The following MAPRE2 variants were observed in gnomAD, a reference collection of about 807,000 sequenced individuals.
The protein encoded by MAPRE2 is microtubule associated protein RP/EB family member 2, also known as microtubule-associated protein RP/EB family member 2.
Under a neutral mutation model 43.2 loss-of-function variants are expected in MAPRE2, and 13 were observed. The observed-to-expected ratio is 0.30, with a 90% CI of 0.20 to 0.48. The LOEUF (loss-of-function observed/expected upper bound fraction) is 0.48, where lower values mean the gene tolerates loss of function less well. Ranked by LOEUF, MAPRE2 falls within the 20% of genes least tolerant of loss-of-function variation. The probability of loss-of-function intolerance (pLI) is 0.99; values close to 1 mark genes in which losing one functional copy is unlikely to be tolerated. For missense variants in MAPRE2, 161 were observed against 400.2 expected, an observed-to-expected ratio of 0.40 and a Z score of 5.10; for synonymous variants, 135 against 148.8, an observed-to-expected ratio of 0.91 and a Z score of 0.68.
intron 5 of MAPRE2, among the ~76,000 whole-genome samples, chr18:35,131,034 C>T (rs937602961): frequency 6.6e-6 from 1 of 152,154 alleles, no homozygotes; most frequent in Non-Finnish European, 1.5e-5. Flanking sequence ...CCTTCCTTGC[C>T]CTCCTGCCTT....
intron 2 of MAPRE2, among the ~76,000 whole-genome samples, chr18:35,006,457 T>C (rs780590220): frequency 6.6e-6 from 1 of 152,230 alleles, no homozygotes. Context: ...ATGGTGACTA[T>C]TAAAAGCTCA....
chr18:35,115,340 C>G (rs1056235161), intron 4 of MAPRE2, among the ~76,000 whole-genome samples: 2 of 152,176 alleles, frequency 1.3e-5, no homozygotes, highest in African/African-American at 4.8e-5. Flanking sequence ...TGCTAGTACA[C>G]TACACAGTAG....
At chr18:34,998,636 T>A (rs1328454783) in intron 1 of MAPRE2, among the ~76,000 whole-genome samples, 1 of 151,828 alleles carries the variant, frequency 6.6e-6, no homozygotes, top group Non-Finnish European at 1.5e-5. Flanking sequence ...CTAATTTTTT[T>A]ATTTTTAGTA....
intron 5 of MAPRE2, 111 bp from the exon 6 acceptor site, chr18:35,131,921 A>C: frequency 9.1e-7 from 1 of 1,104,386 alleles, no homozygotes; most frequent in Non-Finnish European, 1.3e-6. Context: ...CACATTGGTT[A>C]TTTCTGCTTC....
At chr18:35,087,507 T>G (rs1188639090) in intron 2 of MAPRE2, among the ~76,000 whole-genome samples, 1 of 152,228 alleles carries the variant, frequency 6.6e-6, no homozygotes, top group Non-Finnish European at 1.5e-5. Flanking sequence ...TAAAAAATTT[T>G]ATTTATACCT....
chr18:35,026,445 G>A (rs1342619316), intron 2 of MAPRE2, among the ~76,000 whole-genome samples: 1 of 152,076 alleles, frequency 6.6e-6, no homozygotes, highest in Non-Finnish European at 1.5e-5. Flanking sequence ...CGATGAATAT[G>A]GACACCACAC....
In MAPRE2 at chr18:35,000,829, A is replaced by C. The variant is rs1368737122; in HGVS notation, c.-69-4663A>C. On this transcript the variant is annotated intron_variant, in intron 1 of 7. Transcript: ENST00000413393. Reference sequence around the variant, plus strand: ...TTCCAAACGCGAAGGGGGATTTTGCAAGTTCCTCTGTGTGTGTTGGCGATT... The same window carrying C: ...TTCCAAACGCGAAGGGGGATTTTGCCAGTTCCTCTGTGTGTGTTGGCGATT... 3.9e-5 allele frequency among the ~76,000 whole-genome samples: 6 copies of C among 152,186 alleles called. No homozygotes were observed. In the East Asian group the frequency reaches 9.6e-4, roughly 24 times the overall value.
chr18:35,136,226 G>A (rs775063330), intron 6 of MAPRE2, among the ~76,000 whole-genome samples: 2 of 152,184 alleles, frequency 1.3e-5, no homozygotes, highest in Admixed American at 6.5e-5. Flanking sequence ...ACAGGAGTCT[G>A]GGCTGAAGCA....
At chr18:35,093,400 G>A (rs1267933723) in intron 2 of MAPRE2, among the ~76,000 whole-genome samples, 1 of 152,020 alleles carries the variant, frequency 6.6e-6, no homozygotes, top group African/African-American at 2.4e-5. Flanking sequence ...GTATGATCCA[G>A]CAATCCCACG....
intron 4 of MAPRE2, among the ~76,000 whole-genome samples, chr18:35,124,289 A>T (rs1408049885): frequency 6.6e-6 from 1 of 152,176 alleles, no homozygotes; most frequent in African/African-American, 2.4e-5. Context: ...AAACCGTCAG[A>T]TCTCATGAGA....
At chr18:35,117,580 C>T (rs907992341) in intron 4 of MAPRE2, among the ~76,000 whole-genome samples, 23 of 152,150 alleles carry the variant, frequency 1.5e-4, no homozygotes, top group African/African-American at 5.1e-4. Context: ...ACCTGTGTGT[C>T]GTCTGCCCAG....
chr18:35,050,811 G>T (rs927262037), intron 1 of MAPRE2, among the ~76,000 whole-genome samples: 1 of 152,018 alleles, frequency 6.6e-6, no homozygotes, highest in South Asian at 2.1e-4. Flanking sequence ...GTGTGATGAC[G>T]GCCAGGAAAC....
chr18:35,000,205 T>C (rs751690846), intron 1 of MAPRE2, among the ~76,000 whole-genome samples: 1 of 152,108 alleles, frequency 6.6e-6, no homozygotes, highest in African/African-American at 2.4e-5. Context: ...AGATGAAAAC[T>C]TGGGCTCAGG....
At position 35,030,084 on chromosome 18, in the gene MAPRE2, A is replaced by G. The variant is rs542754411; in HGVS notation, c.-8+24531A>G. 2.6e-5 allele frequency among the ~76,000 whole-genome samples: 4 copies of G among 152,302 alleles called. No individual in the cohort carries two copies. The South Asian group carries it at 6.2e-4, about 24-fold the overall frequency. On this transcript the variant is annotated intron_variant, in intron 2 of 7. Transcript: ENST00000413393. ...AAGAAAATTATTTTTTTCTCTATCA[A>G]TCACATATACTGCTAACACCAAATC...
intron 1 of MAPRE2, among the ~76,000 whole-genome samples, chr18:35,056,580 G>T (rs1906245576): frequency 6.6e-6 from 1 of 152,112 alleles, no homozygotes; most frequent in Non-Finnish European, 1.5e-5. Context: ...AATTTCATCT[G>T]TTCAAATTGG....
intron 4 of MAPRE2, among the ~76,000 whole-genome samples, chr18:35,109,337 C>T (rs547133729): frequency 1.3e-5 from 2 of 152,226 alleles, no homozygotes; most frequent in Admixed American, 6.5e-5. Flanking sequence ...GGTACCAGTA[C>T]CATGTTGTTT....
At chr18:35,095,808 C>T (rs1908390685) in intron 2 of MAPRE2, among the ~76,000 whole-genome samples, 1 of 152,064 alleles carries the variant, frequency 6.6e-6, no homozygotes, top group South Asian at 2.1e-4. Flanking sequence ...AGAATACCCT[C>T]CAGATCATGA....
chr18:35,104,078 A>G (rs1908795855), intron 4 of MAPRE2, among the ~76,000 whole-genome samples: 1 of 152,224 alleles, frequency 6.6e-6, no homozygotes, highest in Non-Finnish European at 1.5e-5. Flanking sequence ...GAAGAAAACC[A>G]GAAGAGCTCA....
At chr18:34,979,549 C>T (rs561533083) in intron 1 of MAPRE2, among the ~76,000 whole-genome samples, 194 of 151,550 alleles carry the variant, frequency 1.3e-3, no homozygotes, top group African/African-American at 4.7e-3. Flanking sequence ...GCTAACTAGA[C>T]ATCCTGTAAC....
Sources: gnomAD v4.1 joint callset for allele counts (sites outside exome capture counted in the v4.1 genomes callset) on GRCh38, gnomAD v4.1.1 for gene constraint, MANE v1.5 for transcripts, NCBI Gene and HGNC (gene_info 2026-07-23, HGNC 2026-07-21) for gene names.